Variants in C8orf34 observed in about 807,000 individuals in gnomAD.
The protein encoded by C8orf34 is uncharacterized protein C8orf34.
In C8orf34, 65 loss-of-function variants were observed where a neutral mutation model predicts 68.3. The ratio of observed to expected loss-of-function variants is 0.95; its 90% CI spans 0.78 to 1.17. The LOEUF (loss-of-function observed/expected upper bound fraction) is 1.17. C8orf34 is among the 50% of genes most tolerant of loss of function. The pLI is 0.00. For missense variants in C8orf34, 664 were observed against 655.4 expected, an observed-to-expected ratio of 1.01 and a Z score of -0.14; for synonymous variants, 244 against 241.2, an observed-to-expected ratio of 1.01 and a Z score of -0.11.
chr8:68,423,107 T>C (rs1335674568), intron 1 of C8orf34, among the ~76,000 whole-genome samples: 2 of 152,198 alleles, frequency 1.3e-5, no homozygotes, highest in Non-Finnish European at 2.9e-5. Context: ...TTTTTTCCCA[T>C]TGTCTTGGAG....
intron 1 of C8orf34, among the ~76,000 whole-genome samples, chr8:68,365,017 AAAG>A: frequency 6.6e-6 from 1 of 151,512 alleles, no homozygotes. Context: ...ATAAAGAAAA[AAAG>A]AGAGAAGAAT....
In C8orf34 at chr8:68,619,310, A is replaced by C. The variant is rs933690971; in HGVS notation, c.1106-21066A>C. Among the ~76,000 whole-genome samples, 147 of 152,168 alleles carry C rather than the reference A, an allele frequency of 9.7e-4. 2 individuals are homozygous for C. The highest frequency in any genetic ancestry group is 4.4e-5 in the Non-Finnish European group (3 of 68,024). ...CACTGCACTCCAGCCTGAGTGAGAG[A>C]CAGACCTTATATCAAATAAATAAAA... On this transcript the variant is annotated intron_variant, in intron 7 of 13. Transcript: ENST00000518698.
At chr8:68,401,368 C>T (rs1455303607) in intron 1 of C8orf34, among the ~76,000 whole-genome samples, 3 of 152,076 alleles carry the variant, frequency 2.0e-5, no homozygotes, top group Admixed American at 1.3e-4. Context: ...GCCTTTTATT[C>T]CTGTCTCTTG....
intron 5 of C8orf34, among the ~76,000 whole-genome samples, chr8:68,518,755 GC>G (rs1419335052): frequency 1.3e-5 from 2 of 152,024 alleles, no homozygotes; most frequent in African/African-American, 4.8e-5. Context: ...AATTAGCTGG[GC>G]ATGGTGGTGT....
chr8:68,601,612 AT>A (rs1235509680), intron 7 of C8orf34, among the ~76,000 whole-genome samples: 1 of 152,048 alleles, frequency 6.6e-6, no homozygotes, highest in African/African-American at 2.4e-5. Flanking sequence ...GCTGAGATTC[AT>A]TTTATCCTTT....
intron 10 of C8orf34, among the ~76,000 whole-genome samples, chr8:68,763,866 C>T (rs555484832): frequency 3.9e-5 from 6 of 152,180 alleles, no homozygotes; most frequent in Non-Finnish European, 8.8e-5. Flanking sequence ...TCACTGGTTG[C>T]CTTAGACTAG....
rs1475997742 is a variant in C8orf34, at chr8:68,818,966, ATG to A, written c.*724_*725del. ...AATTTAATATATGCTCGCTTTTGGA[ATG>A]TGTTATGCATTGATGTTAAGTGAAT... On this transcript the variant is annotated 3_prime_UTR_variant, in exon 14 of 14. Transcript: ENST00000518698. The A allele has an allele frequency of 6.6e-6, 1 of 152,140 alleles. No individual in the cohort carries two copies. The highest frequency in any genetic ancestry group is 1.5e-5 in the Non-Finnish European group (1 of 68,014). The allele number at this position is 152,140 out of a possible 1,614,324, so 9.4% of individuals were successfully genotyped here. A position where few individuals can be genotyped will look rare whatever the true frequency, so the allele number is the denominator to read the frequency against.
intron 7 of C8orf34, among the ~76,000 whole-genome samples, chr8:68,558,605 A>AAGAGAGAGAGAAAGAG (rs1554577946): frequency 2.0e-5 from 3 of 151,146 alleles, no homozygotes; most frequent in African/African-American, 4.9e-5. Context: ...GCGAGTGGGA[A>AAGAGAGAGAGAAAGAG]AGAGAGAGAG....
chr8:68,807,920 A>G (rs564071226), intron 12 of C8orf34, among the ~76,000 whole-genome samples: 19 of 152,352 alleles, frequency 1.2e-4, no homozygotes, highest in African/African-American at 4.6e-4. Flanking sequence ...CTTTCGGCCT[A>G]GAAGCTTAAA....
intron 1 of C8orf34, among the ~76,000 whole-genome samples, chr8:68,381,403 C>T (rs1227193281): frequency 6.6e-6 from 1 of 152,170 alleles, no homozygotes; most frequent in African/African-American, 2.4e-5. Flanking sequence ...ATTCCCACCA[C>T]TTGTATCTAA....
At chr8:68,411,140 AGTT>A (rs1261535687) in intron 1 of C8orf34, among the ~76,000 whole-genome samples, 5 of 152,142 alleles carry the variant, frequency 3.3e-5, no homozygotes, top group African/African-American at 1.2e-4. Context: ...TTTTAGTAGA[AGTT>A]TGGAGCATGA....
At chr8:68,510,481 C>A (rs1164299304) in intron 5 of C8orf34, among the ~76,000 whole-genome samples, 1 of 152,090 alleles carries the variant, frequency 6.6e-6, no homozygotes, top group Non-Finnish European at 1.5e-5. Context: ...TTTGGAGCTG[C>A]CACCAGAGAT....
intron 3 of C8orf34, among the ~76,000 whole-genome samples, chr8:68,462,411 G>GT (rs1280098229): frequency 1.3e-5 from 2 of 152,012 alleles, no homozygotes; most frequent in East Asian, 3.9e-4. Flanking sequence ...GGATACCCAG[G>GT]AATTGAACTC....
At chr8:68,424,353 T>G (rs1810115414) in intron 1 of C8orf34, among the ~76,000 whole-genome samples, 1 of 152,056 alleles carries the variant, frequency 6.6e-6, no homozygotes, top group Non-Finnish European at 1.5e-5. Flanking sequence ...AAATAAATGA[T>G]AGGATATAAC....
intron 5 of C8orf34, among the ~76,000 whole-genome samples, chr8:68,515,065 G>C (rs1449689897): frequency 6.6e-6 from 1 of 152,142 alleles, no homozygotes; most frequent in Non-Finnish European, 1.5e-5. Context: ...ATGATAAAAA[G>C]TAGTTTATTT....
At chr8:68,761,600 G>A (rs990317824) in intron 10 of C8orf34, among the ~76,000 whole-genome samples, 2 of 152,052 alleles carry the variant, frequency 1.3e-5, no homozygotes, top group African/African-American at 4.8e-5. Flanking sequence ...CTTCTTCAAC[G>A]ATTCTTTATG....
chr8:68,366,677 G>C (rs1807272767), intron 1 of C8orf34, among the ~76,000 whole-genome samples: 1 of 147,324 alleles, frequency 6.8e-6, no homozygotes, highest in Non-Finnish European at 1.5e-5. Flanking sequence ...AATGGTGCTG[G>C]GAAAACTGGC....
chr8:68,467,977 C>A (rs1333621768), intron 3 of C8orf34, among the ~76,000 whole-genome samples: 1 of 151,908 alleles, frequency 6.6e-6, no homozygotes, highest in Non-Finnish European at 1.5e-5. Flanking sequence ...CCCTTTAAAT[C>A]TGAAAAGCAA....
chr8:68,340,866 T>C (rs529305529), intron 1 of C8orf34, among the ~76,000 whole-genome samples: 14 of 152,268 alleles, frequency 9.2e-5, no homozygotes, highest in African/African-American at 2.6e-4. Flanking sequence ...ACAGATAAAA[T>C]TCATTACATT....
Sources: allele counts gnomAD v4.1 joint callset (sites outside exome capture counted in the v4.1 genomes callset), GRCh38; gene constraint gnomAD v4.1.1; transcripts MANE v1.5; gene names NCBI Gene and HGNC (gene_info 2026-07-23, HGNC 2026-07-21).